The following ATG4A variants were observed in gnomAD, a reference collection of about 807,000 sequenced individuals.
The protein encoded by ATG4A is autophagy related 4A cysteine peptidase, also known as cysteine protease ATG4A.
Under a neutral mutation model 38.4 loss-of-function variants are expected in ATG4A, and 22 were observed. The observed-to-expected ratio is 0.57, with a 90% CI of 0.41 to 0.82. The LOEUF (loss-of-function observed/expected upper bound fraction) is 0.82. ATG4A is among the 40% of genes least tolerant of loss of function. The pLI, the probability that ATG4A is intolerant of heterozygous loss-of-function variation, is 0.00. For synonymous variants in ATG4A, 86 were observed against 100.7 expected, an observed-to-expected ratio of 0.85 and a Z score of 0.88; for missense variants, 220 against 290.0, an observed-to-expected ratio of 0.76 and a Z score of 1.75.
At chrX:108,129,396 C>T (rs1051888202) in intron 3 of ATG4A, among the ~76,000 whole-genome samples, 10 of 111,171 alleles carry the variant, frequency 9.0e-5, no homozygotes, top group Non-Finnish European at 1.9e-4. Flanking sequence ...ATGCTGTCTT[C>T]ATAAAGGATA....
intron 1 of ATG4A, among the ~76,000 whole-genome samples, chrX:108,108,387 A>T (rs2032251182): frequency 9.2e-6 from 1 of 108,921 alleles, no homozygotes; most frequent in Non-Finnish European, 1.9e-5. Flanking sequence ...TTTATTTATA[A>T]TGTCCAGTGT....
intron 11 of ATG4A, 105 bp downstream of exon 11, chrX:108,151,963 T>G (rs2033599919): frequency 4.1e-6 from 3 of 726,654 alleles, no homozygotes; most frequent in Non-Finnish European, 6.1e-6. Context: ...TGATACGACT[T>G]TACTGCAAGA....
At chrX:108,128,734 T>C (rs917859952) in intron 2 of ATG4A, 47 bp from the exon 3 acceptor site, 1 of 887,096 alleles carries the variant, frequency 1.1e-6, no homozygotes, top group East Asian at 3.4e-5. Context: ...TAAAGGTGGG[T>C]ATTTTTAGAT....
rs1247515370 is a variant in ATG4A, at chrX:108,125,922, G to T, written c.11-155G>T. Among the ~76,000 whole-genome samples the T allele has an allele frequency of 9.8e-5, 11 of 112,125 alleles. No individual in the cohort carries two copies. The Admixed American group carries it at 1.0e-3, about 11-fold the overall frequency. ...AATCCTTCAACTAAAGGATTTAGAG[G>T]TCTTGTGAGTGTGTTTGTTCCTCAA... On this transcript the variant is annotated intron_variant, in intron 1 of 12. Transcript: ENST00000372232.
At chrX:108,143,973 A>G (rs779091767) in intron 9 of ATG4A, 28 of 116,999 alleles carry the variant, frequency 2.4e-4, no homozygotes, top group South Asian at 1.3e-3. Context: ...CCACCATTCT[A>G]TCAATCCAGC....
chrX:108,089,321 A>G (rs2031536456), upstream of ATG4A, among the ~76,000 whole-genome samples: 1 of 111,304 alleles, frequency 9.0e-6, no homozygotes, highest in African/African-American at 3.3e-5. Context: ...CTAAATGGTG[A>G]AGTTGGGGCA....
intron 9 of ATG4A, among the ~76,000 whole-genome samples, chrX:108,146,959 T>G (rs757155937): frequency 8.9e-6 from 1 of 112,210 alleles, no homozygotes. Flanking sequence ...TTTCCACCAT[T>G]ATCCCACACC....
Position 108,134,422 on chromosome X carries a change from G to C in ATG4A, c.467+11G>C, listed in dbSNP as rs772544583. The C allele has an allele frequency of 1.7e-6, 2 of 1,199,473 alleles. No individual in the cohort carries two copies. The highest frequency in any genetic ancestry group is 1.1e-6 in the Non-Finnish European group (1 of 887,063). ...TGCACAGGTGTTAAAGTAAGTAAAA[G>C]AGTCTGGCATCTGCCTTATTCTGCT... On this transcript the variant is annotated intron_variant, in intron 6 of 12. Coordinates refer to ENST00000372232, the MANE Select transcript of ATG4A (RefSeq NM_052936.5).
Position 108,108,159 on chromosome X carries a change from C to CTTT in ATG4A, c.10+16341_10+16343dup, listed in dbSNP as rs35622417. On this transcript the variant is annotated intron_variant, in intron 1 of 12. Coordinates refer to ENST00000372232, the MANE Select transcript of ATG4A (RefSeq NM_052936.5). ...TAGAGATAGCCAGTTTTTTGAGGCA[C>CTTT]TTTTTTTTTTTTTTTTTTTTGCACC... is the stretch of plus-strand genomic sequence containing the variant. Among the ~76,000 whole-genome samples the CTTT allele has an allele frequency of 1.7e-3, 113 of 65,716 alleles. 2 individuals carry two copies. The highest frequency in any genetic ancestry group is 0.016 in the East Asian group (33 of 2,039). 57.1% of individuals were successfully genotyped at this position (65,716 alleles called of 115,157 possible). A position where few individuals can be genotyped will look rare whatever the true frequency, so the allele number is the denominator to read the frequency against.
At chrX:108,110,078 G>A (rs983663818) in intron 1 of ATG4A, among the ~76,000 whole-genome samples, 1 of 108,937 alleles carries the variant, frequency 9.2e-6, no homozygotes. Flanking sequence ...ATAAATATGT[G>A]TAGTGATCTG....
At chrX:108,093,543 G>C (rs776941620) in intron 1 of ATG4A, among the ~76,000 whole-genome samples, 9 of 111,669 alleles carry the variant, frequency 8.1e-5, no homozygotes, top group African/African-American at 2.9e-4. Context: ...GTAAGTCTTC[G>C]TGCGGACATA....
At position 108,101,044 on chromosome X, in the gene ATG4A, T is replaced by A. The variant is rs2031994080; in HGVS notation, c.10+9208T>A. 4.0e-5 allele frequency among the ~76,000 whole-genome samples: 4 copies of A among 99,049 alleles called. No homozygotes were observed. In the South Asian group the frequency reaches 1.6e-3, roughly 40 times the overall value. The allele number at this position is 99,049 out of a possible 115,157, so 86.0% of individuals were successfully genotyped here. ...GGCCCAGATGGTTTCAATGAAGAAT[T>A]TTTTTTTTTGAGTTTTAAAATTATA... On this transcript the variant is annotated intron_variant, in intron 1 of 12. Transcript: ENST00000372232.
chrX:108,090,693 C>T (rs1569296391), upstream of ATG4A, among the ~76,000 whole-genome samples: 1 of 112,035 alleles, frequency 8.9e-6, no homozygotes, highest in African/African-American at 3.2e-5. Flanking sequence ...CTAAAGGCAC[C>T]ATGAATCCTA....
intron 11 of ATG4A, among the ~76,000 whole-genome samples, 169 bp from the exon 12 acceptor site, chrX:108,152,810 G>C (rs1272810207): frequency 9.0e-6 from 1 of 111,328 alleles, no homozygotes; most frequent in African/African-American, 3.3e-5. Flanking sequence ...ATCTAGAATT[G>C]AAGATGGCTG....
At chrX:108,106,655 T>G (rs1190991208) in intron 1 of ATG4A, among the ~76,000 whole-genome samples, 1 of 112,220 alleles carries the variant, frequency 8.9e-6, no homozygotes, top group Non-Finnish European at 1.9e-5. Flanking sequence ...ATATTTTCAC[T>G]GGATATGCAA....
intron 9 of ATG4A, among the ~76,000 whole-genome samples, chrX:108,147,727 A>AACTCC: frequency 9.0e-6 from 1 of 110,982 alleles, no homozygotes; most frequent in East Asian, 2.8e-4. Flanking sequence ...GGTCAATTGT[A>AACTCC]TTATGTATAG....
At chrX:108,089,994 TAGAG>T (rs1411998916), upstream of ATG4A, among the ~76,000 whole-genome samples, 7 of 111,738 alleles carry the variant, frequency 6.3e-5, no homozygotes, top group Non-Finnish European at 1.3e-4. Flanking sequence ...AACACAAAAA[TAGAG>T]GGAATAGAAT....
chrX:108,118,015 G>A (rs897491135), intron 1 of ATG4A, among the ~76,000 whole-genome samples: 2 of 112,343 alleles, frequency 1.8e-5, no homozygotes, highest in African/African-American at 6.5e-5. Flanking sequence ...CTTAGGAACC[G>A]TGTCCAAAAC....
chrX:108,131,132 G>A, intron 3 of ATG4A, 128 bp from the exon 4 acceptor site: 1 of 590,076 alleles, frequency 1.7e-6, no homozygotes. Flanking sequence ...TGATCTGTGG[G>A]TGTATCTGTC....
Sources: allele counts gnomAD v4.1 joint callset (sites outside exome capture counted in the v4.1 genomes callset), GRCh38; gene constraint gnomAD v4.1.1; transcripts MANE v1.5; gene names NCBI Gene and HGNC (gene_info 2026-07-23, HGNC 2026-07-21).